The following MICAL3 variants were observed in gnomAD, a reference collection of about 807,000 sequenced individuals.
The protein encoded by MICAL3 is [F-actin]-monooxygenase MICAL3.
In MICAL3, 62 loss-of-function variants were observed where a neutral mutation model predicts 207.4. That is an observed-to-expected ratio of 0.30 (90% CI 0.24 to 0.37). The LOEUF (loss-of-function observed/expected upper bound fraction) is 0.37. Among genes scored for constraint, MICAL3 ranks in the 10% least tolerant of loss-of-function variants. The pLI is 1.00. For synonymous variants in MICAL3, 1,077 were observed against 1,069.3 expected, an observed-to-expected ratio of 1.01 and a Z score of -0.14; for missense variants, 2,368 against 2,635.6, an observed-to-expected ratio of 0.90 and a Z score of 2.22.
intron 1 of MICAL3, chr22:18,007,272 ATG>A (rs1923449118): frequency 6.6e-6 from 1 of 152,128 alleles, no homozygotes; most frequent in South Asian, 2.1e-4. Context: ...ATTTTGATGT[ATG>A]TGTTTTCTTG....
chr22:17,877,342 G>T (rs371122163), intron 16 of MICAL3, among the ~76,000 whole-genome samples: 876 of 20,118 alleles, frequency 0.044, 12 homozygotes, highest in Middle Eastern at 0.12. Flanking sequence ...ATGGAGGTTA[G>T]GGAGGTTAGG....
chr22:17,867,563 C>A (rs1927277394), intron 17 of MICAL3, among the ~76,000 whole-genome samples: 1 of 152,220 alleles, frequency 6.6e-6, no homozygotes, highest in Non-Finnish European at 1.5e-5. Context: ...GGGCTGGCAA[C>A]CACGTGGCCT....
intron 1 of MICAL3, among the ~76,000 whole-genome samples, chr22:17,968,673 C>A (rs976343886): frequency 6.6e-6 from 1 of 152,096 alleles, no homozygotes; most frequent in East Asian, 1.9e-4. Flanking sequence ...AATGCCCCAA[C>A]GAGCCGCTGA....
intron 1 of MICAL3, among the ~76,000 whole-genome samples, chr22:17,976,559 G>A (rs374332): frequency 2.4e-4 from 19 of 78,798 alleles, no homozygotes; most frequent in East Asian, 9.5e-4. Flanking sequence ...GTGTGTGTGT[G>A]TGTATATATA....
chr22:17,946,657 G>C (rs1934082115), intron 1 of MICAL3, among the ~76,000 whole-genome samples: 1 of 152,126 alleles, frequency 6.6e-6, no homozygotes, highest in Non-Finnish European at 1.5e-5. Flanking sequence ...AAAACCACCA[G>C]GTGATTGGGG....
At chr22:17,973,160 G>C (rs1298314695) in intron 1 of MICAL3, among the ~76,000 whole-genome samples, 3 of 152,236 alleles carry the variant, frequency 2.0e-5, no homozygotes, top group South Asian at 4.1e-4. Flanking sequence ...GGGGAAAAGG[G>C]AGAAGAGAGG....
At position 17,802,247 on chromosome 22, in the gene MICAL3, T is replaced by G. The variant is rs144388119; in HGVS notation, c.5650+6597A>C. On this transcript the variant is annotated intron_variant, in intron 29 of 31. Coordinates refer to ENST00000441493, the MANE Select transcript of MICAL3 (RefSeq NM_015241.3). Reference sequence around the variant, plus strand: ...CCAGCTAATTTTTAAAATTTCTTTATAGAGACGGGGTTTCACCATCTTGCC... The same window carrying G: ...CCAGCTAATTTTTAAAATTTCTTTAGAGAGACGGGGTTTCACCATCTTGCC... Among the ~76,000 whole-genome samples, 301 of 152,240 alleles carry G rather than the reference T, an allele frequency of 2.0e-3. 2 individuals carry two copies. Among genetic ancestry groups the G allele is most frequent in the African/African-American group, 7.0e-3 (289 of 41,540 alleles).
At position 17,849,127 on chromosome 22, in the gene MICAL3, A is replaced by G. The variant is rs111520022; in HGVS notation, c.2606-7110T>C. 4.3e-3 allele frequency among the ~76,000 whole-genome samples: 655 copies of G among 152,336 alleles called. 4 individuals carry two copies. Among genetic ancestry groups the G allele is most frequent in the African/African-American group, 0.015 (608 of 41,572 alleles). On this transcript the variant is annotated intron_variant, in intron 19 of 31. Coordinates refer to ENST00000441493, the MANE Select transcript of MICAL3 (RefSeq NM_015241.3). The stretch of plus-strand genomic sequence containing the variant: ...GCTTGTGAAGCAGGCGATGAGGGAT[A>G]AGCAGCAGTGTTTGTTGAGCGACTA...
intron 1 of MICAL3, among the ~76,000 whole-genome samples, chr22:17,999,665 G>C (rs1204441357): frequency 1.3e-5 from 2 of 152,164 alleles, no homozygotes; most frequent in Non-Finnish European, 2.9e-5. Context: ...GTGGGGGTTT[G>C]GGGGGAGGAA....
Position 17,790,560 on chromosome 22 carries a change from C to T in MICAL3, c.*172G>A, listed in dbSNP as rs2061815396. 1 of 629,110 alleles carries T rather than the reference C, an allele frequency of 1.6e-6. No homozygotes were observed. The highest frequency in any genetic ancestry group is 2.7e-6 in the Non-Finnish European group (1 of 365,362). The allele number at this position is 629,110 out of a possible 1,614,324, so 39.0% of individuals were successfully genotyped here. The stretch of plus-strand genomic sequence containing the variant: ...GAGCCGTCTCAGATAACCACTGTCA[C>T]CTGGGGCTCCCCACTGCACGCGGGA... On this transcript the variant is annotated 3_prime_UTR_variant, in exon 32 of 32. Coordinates refer to ENST00000441493, the MANE Select transcript of MICAL3 (RefSeq NM_015241.3).
intron 1 of MICAL3, among the ~76,000 whole-genome samples, chr22:17,980,029 A>G (rs1935837415): frequency 1.3e-5 from 2 of 152,086 alleles, no homozygotes; most frequent in Admixed American, 6.5e-5. Context: ...GGGTCTCATT[A>G]TATTGTCCAG....
At chr22:17,896,216 T>C (rs767880193) in intron 9 of MICAL3, 30 bp downstream of exon 9, 1 of 1,361,800 alleles carries the variant, frequency 7.3e-7, no homozygotes, top group South Asian at 1.3e-5. Context: ...AGTTTTCTCA[T>C]GAAAGGAACC....
chr22:17,824,345 G>A lies in MICAL3; in HGVS notation c.3194-1285C>T, dbSNP rs541346455. ...TCAAAGCCCCAGGCTGGGGAGCAGG[G>A]AACTGATGGCGCCCGGTTAGGTGGA... On this transcript the variant is annotated intron_variant, in intron 22 of 31. Transcript: ENST00000441493. 2.1e-4 allele frequency among the ~76,000 whole-genome samples: 32 copies of A among 152,340 alleles called. No homozygotes were observed. In the South Asian group the frequency reaches 3.9e-3, roughly 19 times the overall value.
Position 17,817,530 on chromosome 22 carries a change from CCTT to C in MICAL3, c.5128_5130del (p.Lys1710del), listed in dbSNP as rs761630501. 1.4e-5 allele frequency: 22 copies of C among 1,613,492 alleles called. No homozygotes were observed. Among genetic ancestry groups the C allele is most frequent in the South Asian group, 6.6e-5 (6 of 91,062 alleles). ...CGGCCCTCGCCTTTGGACTTCTTCT[CCTT>C]CTTGTTTCTGCGGGGGGAGAAGAGT... On this transcript the variant is annotated inframe_deletion, in exon 26 of 32. Coordinates refer to ENST00000441493, the MANE Select transcript of MICAL3 (RefSeq NM_015241.3).
chr22:17,922,748 G>A (rs933380277), intron 1 of MICAL3, among the ~76,000 whole-genome samples: 8 of 152,178 alleles, frequency 5.3e-5, no homozygotes, highest in African/African-American at 1.9e-4. Context: ...CAATAAGGTA[G>A]CTGTGCATGC....
chr22:17,800,615 G>C (rs945250663), intron 29 of MICAL3, among the ~76,000 whole-genome samples: 2 of 152,220 alleles, frequency 1.3e-5, no homozygotes, highest in Admixed American at 1.3e-4. Context: ...GCACAGGGCA[G>C]GGGTAGGAGT....
chr22:17,910,676 C>T (rs1932078406), intron 1 of MICAL3, among the ~76,000 whole-genome samples: 1 of 152,164 alleles, frequency 6.6e-6, no homozygotes, highest in Non-Finnish European at 1.5e-5. Context: ...ATGACTGCAG[C>T]GCAAAGACTC....
intron 1 of MICAL3, among the ~76,000 whole-genome samples, chr22:17,922,563 A>C (rs1042395461): frequency 3.9e-5 from 6 of 152,098 alleles, no homozygotes; most frequent in Non-Finnish European, 8.8e-5. Flanking sequence ...ACACTAAGTC[A>C]CTGGTATTAT....
At chr22:17,931,121 C>T (rs1197598628) in intron 1 of MICAL3, among the ~76,000 whole-genome samples, 5 of 152,184 alleles carry the variant, frequency 3.3e-5, no homozygotes, top group Non-Finnish European at 7.3e-5. Flanking sequence ...ATCTGGACCC[C>T]CACACCCCCT....
Sources: allele counts gnomAD v4.1 joint callset (sites outside exome capture counted in the v4.1 genomes callset), GRCh38; gene constraint gnomAD v4.1.1; transcripts MANE v1.5; gene names NCBI Gene and HGNC (gene_info 2026-07-23, HGNC 2026-07-21).